Variants in SCAF8 observed in about 807,000 individuals in gnomAD.
SCAF8 encodes the protein SR-related and CTD-associated factor 8.
In SCAF8, 23 loss-of-function variants were observed where a neutral mutation model predicts 140.5. The observed-to-expected ratio is 0.16, with a 90% CI of 0.12 to 0.23. The LOEUF (loss-of-function observed/expected upper bound fraction) is 0.23. Ranked by LOEUF, SCAF8 falls within the 10% of genes least tolerant of loss-of-function variation. The pLI is 1.00. For synonymous variants in SCAF8, 575 were observed against 528.9 expected (o/e 1.09, Z -1.20); for missense variants, 1,397 against 1,555.7 (o/e 0.90, Z 1.72).
chr6:154,820,902 A>G (rs1047203951), intron 15 of SCAF8, among the ~76,000 whole-genome samples: 1 of 152,220 alleles, frequency 6.6e-6, no homozygotes, highest in East Asian at 1.9e-4. Context: ...CCAATAGGAA[A>G]TCTAAACATT....
chr6:154,757,153 C>G (rs900227452), intron 1 of SCAF8, among the ~76,000 whole-genome samples: 5 of 152,158 alleles, frequency 3.3e-5, no homozygotes, highest in African/African-American at 1.2e-4. Context: ...CACGCCACTA[C>G]GCCCAGCTAA....
At chr6:154,743,289 C>T (rs1214203370) in intron 1 of SCAF8, among the ~76,000 whole-genome samples, 2 of 152,120 alleles carry the variant, frequency 1.3e-5, no homozygotes, top group Non-Finnish European at 2.9e-5. Context: ...TTGTTTTATA[C>T]AAAATTGTCT....
At chr6:154,737,828 C>A (rs1004782739) in intron 1 of SCAF8, among the ~76,000 whole-genome samples, 3 of 152,048 alleles carry the variant, frequency 2.0e-5, no homozygotes, top group African/African-American at 7.2e-5. Context: ...GGTGATCTGC[C>A]CACCTCCCCT....
chr6:154,808,820 A>C, intron 11 of SCAF8, 22 bp downstream of exon 11: 1 of 1,477,458 alleles, frequency 6.8e-7, no homozygotes, highest in Non-Finnish European at 9.5e-7. Context: ...ATATTTAATA[A>C]TAGCCGTGTG....
At chr6:154,737,344 A>C (rs1414746087) in intron 1 of SCAF8, among the ~76,000 whole-genome samples, 1 of 152,190 alleles carries the variant, frequency 6.6e-6, no homozygotes. Flanking sequence ...ATAATCAGGA[A>C]CGTTTGTCAA....
At chr6:154,812,112 A>G (rs1390175819) in intron 12 of SCAF8, among the ~76,000 whole-genome samples, 1 of 151,712 alleles carries the variant, frequency 6.6e-6, no homozygotes, top group Non-Finnish European at 1.5e-5. Flanking sequence ...TAAAAAACGC[A>G]TAACCAAATA....
intron 16 of SCAF8, among the ~76,000 whole-genome samples, chr6:154,822,954 T>C (rs1424697880): frequency 6.6e-6 from 1 of 152,192 alleles, no homozygotes; most frequent in Non-Finnish European, 1.5e-5. Context: ...AGGAAAAAAG[T>C]AGCGTAAGGC....
At chr6:154,783,218 G>A (rs1386118289) in intron 3 of SCAF8, among the ~76,000 whole-genome samples, 2 of 152,068 alleles carry the variant, frequency 1.3e-5, no homozygotes, top group Non-Finnish European at 2.9e-5. Context: ...CTTTTTGTCT[G>A]TATGAAATCC....
chr6:154,805,735 AC>A (rs1777895000), intron 9 of SCAF8, among the ~76,000 whole-genome samples: 1 of 152,050 alleles, frequency 6.6e-6, no homozygotes, highest in African/African-American at 2.4e-5. Context: ...TGTTCTGGTA[AC>A]TTATGAATGC....
chr6:154,776,078 A>G (rs866942498), intron 2 of SCAF8, among the ~76,000 whole-genome samples: 2 of 152,066 alleles, frequency 1.3e-5, no homozygotes, highest in Non-Finnish European at 2.9e-5. Context: ...GAATTATCTA[A>G]TATAGAGTTC....
At chr6:154,782,417 TCAAAA>T (rs200726820) in intron 3 of SCAF8, among the ~76,000 whole-genome samples, 4 of 151,712 alleles carry the variant, frequency 2.6e-5, no homozygotes, top group South Asian at 2.1e-4. Flanking sequence ...AGAGCTTGTC[TCAAAA>T]CAAAACAAAA....
At chr6:154,814,558 G>A (rs1227461361) in intron 12 of SCAF8, among the ~76,000 whole-genome samples, 1 of 152,154 alleles carries the variant, frequency 6.6e-6, no homozygotes, top group African/African-American at 2.4e-5. Context: ...ACTCAGTAGT[G>A]ATCTTGCCAA....
chr6:154,805,875 T>C (rs1271844539), intron 9 of SCAF8, among the ~76,000 whole-genome samples: 2 of 152,188 alleles, frequency 1.3e-5, no homozygotes, highest in African/African-American at 4.8e-5. Context: ...ATTATGTTAA[T>C]GGTGACAATG....
At chr6:154,770,630 C>T (rs974105798) in intron 1 of SCAF8, among the ~76,000 whole-genome samples, 1 of 152,034 alleles carries the variant, frequency 6.6e-6, no homozygotes, top group African/African-American at 2.4e-5. Context: ...TAATTCTTGT[C>T]GACCATTGTC....
At chr6:154,787,641 T>C (rs145537674) in intron 3 of SCAF8, among the ~76,000 whole-genome samples, 1 of 152,350 alleles carries the variant, frequency 6.6e-6, no homozygotes, top group Non-Finnish European at 1.5e-5. Flanking sequence ...GCCAGTTACA[T>C]AGTACTATTT....
chr6:154,745,301 A>T (rs1038839083), intron 1 of SCAF8, among the ~76,000 whole-genome samples: 16 of 152,196 alleles, frequency 1.1e-4, no homozygotes, highest in African/African-American at 3.1e-4. Flanking sequence ...GTAATATTGT[A>T]TTCCTCTCAG....
At chr6:154,790,172 A>G (rs1373998067) in intron 4 of SCAF8, among the ~76,000 whole-genome samples, 1 of 152,168 alleles carries the variant, frequency 6.6e-6, no homozygotes, top group African/African-American at 2.4e-5. Flanking sequence ...ATATGGAATG[A>G]TAGTTGTTAG....
chr6:154,797,708 T>C (rs998951574), intron 6 of SCAF8, among the ~76,000 whole-genome samples: 1 of 151,500 alleles, frequency 6.6e-6, no homozygotes, highest in Non-Finnish European at 1.5e-5. Flanking sequence ...AATGATCTTG[T>C]ATGTTTTAAA....
chr6:154,779,959 C>G (rs1583027737), intron 3 of SCAF8, among the ~76,000 whole-genome samples: 1 of 152,206 alleles, frequency 6.6e-6, no homozygotes, highest in East Asian at 1.9e-4. Context: ...GACATTGATA[C>G]AGTCACCTGT....
Sources: gnomAD v4.1 joint callset for allele counts (sites outside exome capture counted in the v4.1 genomes callset) on GRCh38, gnomAD v4.1.1 for gene constraint, MANE v1.5 for transcripts, NCBI Gene and HGNC (gene_info 2026-07-23, HGNC 2026-07-21) for gene names.